The following SECISBP2 variants were observed in gnomAD, a reference collection of about 807,000 sequenced individuals.
SECISBP2 encodes selenocysteine insertion sequence-binding protein 2.
Under a neutral mutation model 98.2 loss-of-function variants are expected in SECISBP2, and 96 were observed. The observed-to-expected ratio is 0.98, with a 90% confidence interval of 0.83 to 1.16. SECISBP2 has a LOEUF of 1.16. Among genes scored for constraint, SECISBP2 ranks in the 50% most tolerant of loss-of-function variants. The pLI, the probability that SECISBP2 is intolerant of heterozygous loss-of-function variation, is 0.00. For missense variants in SECISBP2, 1,046 were observed against 1,022.9 expected, an observed-to-expected ratio of 1.02 and a Z score of -0.31; for synonymous variants, 407 against 370.2, an observed-to-expected ratio of 1.10 and a Z score of -1.14.
chr9:89,347,114 C>T, intron 11 of SECISBP2, 66 bp downstream of exon 11: 2 of 1,515,642 alleles, frequency 1.3e-6, no homozygotes, highest in Middle Eastern at 1.7e-4. Flanking sequence ...CATAGTTATT[C>T]TCCCAGCTCT....
intron 14 of SECISBP2, chr9:89,355,746 T>C (rs1364424545): frequency 5.7e-6 from 1 of 174,638 alleles, no homozygotes; most frequent in East Asian, 1.9e-4. Flanking sequence ...GGTTCCTTCA[T>C]TTGTATATGT....
At chr9:89,321,892 A>G (rs376784527) in intron 2 of SECISBP2, among the ~76,000 whole-genome samples, 1 of 152,230 alleles carries the variant, frequency 6.6e-6, no homozygotes. Context: ...TTGCATTGCC[A>G]TAGTCAGATT....
At chr9:89,347,548 C>T (rs1041924308) in intron 11 of SECISBP2, among the ~76,000 whole-genome samples, 3 of 147,250 alleles carry the variant, frequency 2.0e-5, no homozygotes, top group African/African-American at 5.0e-5. Context: ...TCTCGGCTCA[C>T]TGCAACCTCA....
At position 89,352,158 on chromosome 9, in the gene SECISBP2, GTTGC is replaced by G. The variant is rs372809156; in HGVS notation, c.2113+1309_2113+1312del. On this transcript the variant is annotated intron_variant, in intron 14 of 16. Coordinates refer to ENST00000375807, the MANE Select transcript of SECISBP2 (RefSeq NM_024077.5). ...GGGTTATTGTTCTTGTTTTGTGGTG[GTTGC>G]TTAATTGTCTATATACTTAGCATTA... 2.7e-4 allele frequency among the ~76,000 whole-genome samples: 41 copies of G among 152,270 alleles called. No individual in the cohort carries two copies. The East Asian group carries it at 4.1e-3, about 15-fold the overall frequency.
chr9:89,340,504 G>A (rs989077328), intron 9 of SECISBP2, among the ~76,000 whole-genome samples: 5 of 151,934 alleles, frequency 3.3e-5, no homozygotes, highest in Admixed American at 2.0e-4. Flanking sequence ...ATTCATTGTC[G>A]TTTTGCCTTT....
rs1397253436 is a variant in SECISBP2, at chr9:89,357,996, A to G, written c.2269-3A>G. 1 of 1,612,482 alleles carries G rather than the reference A, an allele frequency of 6.2e-7. No individual in the cohort carries two copies. Among genetic ancestry groups the G allele is most frequent in the Non-Finnish European group, 8.5e-7 (1 of 1,179,934 alleles). On this transcript the variant is annotated splice_polypyrimidine_tract_variant and splice_region_variant and intron_variant, in intron 15 of 16. Coordinates refer to ENST00000375807, the MANE Select transcript of SECISBP2 (RefSeq NM_024077.5). Reference sequence around the variant, plus strand: ...TACCTGTGTGCTCTCACTTGTGCCCAAGGATCAGTTCCACAAGATGGTTGA... The same window carrying G: ...TACCTGTGTGCTCTCACTTGTGCCCGAGGATCAGTTCCACAAGATGGTTGA...
chr9:89,330,140 A>G (rs1427937914), intron 5 of SECISBP2: 1 of 152,232 alleles, frequency 6.6e-6, no homozygotes, highest in African/African-American at 2.4e-5. Flanking sequence ...ACTTAACTGT[A>G]GTAATATTTA....
chr9:89,354,841 T>C (rs1465679479), intron 14 of SECISBP2: 1 of 984,412 alleles, frequency 1.0e-6, no homozygotes, highest in Non-Finnish European at 1.2e-6. Context: ...GTGAGAGAGA[T>C]GCATCTGATG....
chr9:89,364,197 G>C (rs552174355), downstream of SECISBP2: 38 of 684,900 alleles, frequency 5.5e-5, no homozygotes, highest in African/African-American at 6.1e-4. Context: ...AAGCACACCT[G>C]TGTGGCCTGT....
chr9:89,319,396 T>G (rs1825292363), intron 1 of SECISBP2, among the ~76,000 whole-genome samples: 1 of 151,968 alleles, frequency 6.6e-6, no homozygotes, highest in Admixed American at 6.5e-5. Flanking sequence ...AACTATATAA[T>G]CTGTGTTGTT....
intron 7 of SECISBP2, among the ~76,000 whole-genome samples, chr9:89,336,037 A>ATAGCATT (rs1828617105): frequency 7.0e-6 from 1 of 142,724 alleles, no homozygotes; most frequent in African/African-American, 2.6e-5. Flanking sequence ...TTGTTATAAG[A>ATAGCATT]TAGCATTCAG....
chr9:89,339,408 A>G (rs1017054073), intron 8 of SECISBP2, among the ~76,000 whole-genome samples: 1 of 152,220 alleles, frequency 6.6e-6, no homozygotes, highest in African/African-American at 2.4e-5. Context: ...AACCTAAAAT[A>G]TTGACAAAAT....
chr9:89,347,805 G>A (rs760820639), intron 11 of SECISBP2, among the ~76,000 whole-genome samples: 11 of 152,198 alleles, frequency 7.2e-5, no homozygotes, highest in Non-Finnish European at 1.6e-4. Flanking sequence ...AGCCTGTGGT[G>A]TAGGTGCTCA....
intron 11 of SECISBP2, 146 bp from the exon 12 acceptor site, chr9:89,347,933 C>T (rs759242685): frequency 5.2e-5 from 40 of 768,434 alleles, no homozygotes; most frequent in Non-Finnish European, 8.2e-5. Context: ...GGGTGAGCTC[C>T]CTGGAGTCTG....
Position 89,344,170 on chromosome 9 carries a change from T to C in SECISBP2, c.1435+2691T>C, listed in dbSNP as rs969538672. 2.6e-5 allele frequency among the ~76,000 whole-genome samples: 4 copies of C among 152,336 alleles called. No homozygotes were observed. The East Asian group carries it at 5.8e-4, about 22-fold the overall frequency. On this transcript the variant is annotated intron_variant, in intron 10 of 16. Coordinates refer to ENST00000375807, the MANE Select transcript of SECISBP2 (RefSeq NM_024077.5). ...GCCCACTTTTTAATGGGGTTTTTTT[T>C]CTTGCAAATTTGTTTAAGATCCTTG... is the stretch of plus-strand genomic sequence containing the variant.
chr9:89,335,330 G>T (rs1478355091), intron 7 of SECISBP2, among the ~76,000 whole-genome samples: 1 of 151,924 alleles, frequency 6.6e-6, no homozygotes, highest in Non-Finnish European at 1.5e-5. Flanking sequence ...GATTTTCTGT[G>T]CCACTGAATA....
At chr9:89,355,477 G>T (rs1259505421) in intron 14 of SECISBP2, 1 of 954,874 alleles carries the variant, frequency 1.0e-6, no homozygotes, top group Non-Finnish European at 1.2e-6. Context: ...CATATTTGTT[G>T]CCCATTTGCT....
chr9:89,357,625 T>C lies in SECISBP2; in HGVS notation c.2268+60T>C, dbSNP rs1832292512. On this transcript the variant is annotated intron_variant, in intron 15 of 16. Coordinates refer to ENST00000375807, the MANE Select transcript of SECISBP2 (RefSeq NM_024077.5). The stretch of plus-strand genomic sequence containing the variant: ...GCCCGTGGGAGGAAGTGGGGGCAGG[T>C]GGTCAGTGTGGGCTCACCCACAGAG... 3 of 1,601,720 alleles carry C rather than the reference T, an allele frequency of 1.9e-6. No individual in the cohort carries two copies. In the East Asian group the frequency reaches 6.7e-5, roughly 36 times the overall value.
intron 6 of SECISBP2, chr9:89,334,102 T>C: frequency 1.8e-6 from 2 of 1,126,730 alleles, no homozygotes; most frequent in Non-Finnish European, 2.2e-6. Context: ...CCAGTTATTG[T>C]GATAGCTGAA....
Sources: gnomAD v4.1 joint callset for allele counts (sites outside exome capture counted in the v4.1 genomes callset) on GRCh38, gnomAD v4.1.1 for gene constraint, MANE v1.5 for transcripts, NCBI Gene and HGNC (gene_info 2026-07-23, HGNC 2026-07-21) for gene names.